The following ERBB4 variants were observed in gnomAD, a reference collection of about 807,000 sequenced individuals.
The protein encoded by ERBB4 is receptor tyrosine-protein kinase erbB-4.
ERBB4 carries 42 observed loss-of-function variants against 158.0 expected under a neutral mutation model. The ratio of observed to expected loss-of-function variants is 0.27; its 90% CI spans 0.21 to 0.34. The LOEUF is 0.34. ERBB4 is among the 10% of genes least tolerant of loss of function. The pLI is 1.00. For synonymous variants in ERBB4, 583 were observed against 558.7 expected, an observed-to-expected ratio of 1.04 and a Z score of -0.61; for missense variants, 1,333 against 1,624.1, an observed-to-expected ratio of 0.82 and a Z score of 3.08.
intron 20 of ERBB4, among the ~76,000 whole-genome samples, chr2:211,438,464 C>T (rs1045914961): frequency 5.3e-5 from 8 of 152,140 alleles, no homozygotes; most frequent in African/African-American, 1.7e-4. Context: ...GTGTTTGTTT[C>T]ACTTTCTTTA....
At chr2:212,263,257 C>G (rs1050643081) in intron 1 of ERBB4, among the ~76,000 whole-genome samples, 1 of 152,032 alleles carries the variant, frequency 6.6e-6, no homozygotes, top group Non-Finnish European at 1.5e-5. Flanking sequence ...CAGTTTGGGA[C>G]TTCTGGCTTC....
intron 20 of ERBB4, among the ~76,000 whole-genome samples, chr2:211,554,875 T>G (rs2067195824): frequency 6.6e-6 from 1 of 152,230 alleles, no homozygotes; most frequent in South Asian, 2.1e-4. Flanking sequence ...GCCTACTTTT[T>G]GTCTCATATT....
At chr2:212,019,649 G>A (rs1451990833) in intron 2 of ERBB4, among the ~76,000 whole-genome samples, 1 of 151,228 alleles carries the variant, frequency 6.6e-6, no homozygotes, top group Non-Finnish European at 1.5e-5. Flanking sequence ...TGTAATCCCA[G>A]CTACTTAGGT....
chr2:211,586,866 G>A (rs542238949), intron 19 of ERBB4, among the ~76,000 whole-genome samples: 19 of 152,170 alleles, frequency 1.2e-4, no homozygotes, highest in South Asian at 1.2e-3. Context: ...TATTCTTTCC[G>A]ATAATATTTA....
intron 2 of ERBB4, among the ~76,000 whole-genome samples, chr2:211,964,407 T>C (rs1329908555): frequency 3.3e-5 from 5 of 152,210 alleles, no homozygotes; most frequent in Non-Finnish European, 7.3e-5. Flanking sequence ...ACAGATGTTT[T>C]TTCGGAATTA....
At chr2:211,667,261 TG>T in intron 14 of ERBB4, among the ~76,000 whole-genome samples, 1 of 152,234 alleles carries the variant, frequency 6.6e-6, no homozygotes, top group Non-Finnish European at 1.5e-5. Context: ...TATTACAAAT[TG>T]GTTACTTAAG....
intron 1 of ERBB4, among the ~76,000 whole-genome samples, chr2:212,421,146 A>T (rs1034896132): frequency 4.6e-5 from 7 of 152,152 alleles, no homozygotes; most frequent in Non-Finnish European, 8.8e-5. Flanking sequence ...TATATTTCAA[A>T]GAATTTCAGT....
At chr2:211,502,855 G>C (rs921662425) in intron 20 of ERBB4, among the ~76,000 whole-genome samples, 12 of 152,132 alleles carry the variant, frequency 7.9e-5, no homozygotes, top group Admixed American at 3.3e-4. Flanking sequence ...ATTAGAGATG[G>C]ATGACTAGGT....
chr2:211,722,695 T>C (rs1252895508), intron 6 of ERBB4, among the ~76,000 whole-genome samples, 161 bp from the exon 7 acceptor site: 3 of 152,236 alleles, frequency 2.0e-5, no homozygotes, highest in Admixed American at 6.5e-5. Context: ...TTCATAAAAC[T>C]CTTTTTTCCA....
intron 3 of ERBB4, among the ~76,000 whole-genome samples, chr2:211,892,783 C>T (rs1431672814): frequency 7.0e-6 from 1 of 143,492 alleles, no homozygotes; most frequent in African/African-American, 2.8e-5. Context: ...AACAGAGAGC[C>T]AAATCATGAG....
chr2:212,389,119 A>G (rs958046348), intron 1 of ERBB4, among the ~76,000 whole-genome samples: 3 of 152,234 alleles, frequency 2.0e-5, no homozygotes, highest in African/African-American at 7.2e-5. Flanking sequence ...TGGCAGTTTC[A>G]CAAGCAAGTG....
At chr2:212,113,269 T>TA (rs1227454745) in intron 2 of ERBB4, among the ~76,000 whole-genome samples, 1 of 152,016 alleles carries the variant, frequency 6.6e-6, no homozygotes, top group African/African-American at 2.4e-5. Flanking sequence ...ACAGAGACCT[T>TA]AGTTTATAAA....
chr2:211,879,950 T>C (rs1276068769), intron 3 of ERBB4, among the ~76,000 whole-genome samples: 2 of 151,018 alleles, frequency 1.3e-5, no homozygotes, highest in Non-Finnish European at 3.0e-5. Flanking sequence ...ATGAAAGTTA[T>C]ATATTTAAAC....
At chr2:211,914,931 C>T (rs2079646233) in intron 3 of ERBB4, among the ~76,000 whole-genome samples, 1 of 152,038 alleles carries the variant, frequency 6.6e-6, no homozygotes, top group African/African-American at 2.4e-5. Context: ...TATGTACTTG[C>T]TTTCTGCTTA....
intron 1 of ERBB4, among the ~76,000 whole-genome samples, chr2:212,154,610 T>C (rs1049169229): frequency 2.0e-5 from 3 of 152,106 alleles, no homozygotes; most frequent in African/African-American, 7.2e-5. Flanking sequence ...GTCCTTGATA[T>C]GCCGCCTGTC....
chr2:211,640,643 A>G (rs1202516259), intron 16 of ERBB4, among the ~76,000 whole-genome samples: 2 of 152,206 alleles, frequency 1.3e-5, no homozygotes, highest in African/African-American at 4.8e-5. Context: ...CCATTAAAAT[A>G]TAATTATGCG....
chr2:212,431,939 G>T (rs1020383447), intron 1 of ERBB4, among the ~76,000 whole-genome samples: 1 of 152,148 alleles, frequency 6.6e-6, no homozygotes, highest in African/African-American at 2.4e-5. Context: ...AATACTTATA[G>T]TCTAGGCTTC....
intron 1 of ERBB4, among the ~76,000 whole-genome samples, chr2:212,139,008 C>CA (rs1417989485): frequency 6.6e-6 from 1 of 152,044 alleles, no homozygotes; most frequent in East Asian, 1.9e-4. Flanking sequence ...TCAGAGATCA[C>CA]ATGGATAGTT....
At chr2:212,372,609 T>G (rs1372849907) in intron 1 of ERBB4, among the ~76,000 whole-genome samples, 1 of 151,630 alleles carries the variant, frequency 6.6e-6, no homozygotes, top group Non-Finnish European at 1.5e-5. Flanking sequence ...ATTAGCTGGG[T>G]GTGGTGGTGT....
Sources: allele counts gnomAD v4.1 joint callset (sites outside exome capture counted in the v4.1 genomes callset), GRCh38; gene constraint gnomAD v4.1.1; transcripts MANE v1.5; gene names NCBI Gene and HGNC (gene_info 2026-07-23, HGNC 2026-07-21).